GAPVD1: variants seen among roughly 807,000 people sequenced by gnomAD.
GAPVD1 encodes the protein GTPase activating protein and VPS9 domains 1, also known as GTPase-activating protein and VPS9 domain-containing protein 1.
Under a neutral mutation model 155.5 loss-of-function variants are expected in GAPVD1, and 35 were observed. The observed-to-expected ratio is 0.23, with a 90% CI of 0.17 to 0.30. The LOEUF is 0.30. GAPVD1 is among the 10% of genes least tolerant of loss of function. GAPVD1 has a pLI of 1.00. For synonymous variants in GAPVD1, 636 were observed against 619.7 expected, an observed-to-expected ratio of 1.03 and a Z score of -0.39; for missense variants, 1,429 against 1,775.7, an observed-to-expected ratio of 0.80 and a Z score of 3.51.
chr9:125,362,800 T>C lies in GAPVD1; in HGVS notation c.*54T>C. 1 of 1,548,356 alleles carries C rather than the reference T, an allele frequency of 6.5e-7. No individual in the cohort carries two copies. The highest frequency in any genetic ancestry group is 8.8e-7 in the Non-Finnish European group (1 of 1,131,062). On this transcript the variant is annotated 3_prime_UTR_variant, in exon 28 of 28. Coordinates refer to ENST00000297933, the MANE Select transcript of GAPVD1 (RefSeq NM_001282680.3). The stretch of plus-strand genomic sequence containing the variant: ...ACTGTTAATCAGACAAACAGATCTC[T>C]GAGAAGGTGCATCAGCTGCTTTGAA...
At chr9:125,265,837 G>A (rs1222432421) in intron 1 of GAPVD1, among the ~76,000 whole-genome samples, 2 of 147,680 alleles carry the variant, frequency 1.4e-5, no homozygotes, top group Non-Finnish European at 3.0e-5. Context: ...GAGTTTGAGG[G>A]CCACTTGAGT....
chr9:125,309,979 A>G (rs888791546), intron 8 of GAPVD1: 1 of 467,880 alleles, frequency 2.1e-6, no homozygotes, highest in Admixed American at 2.4e-5. Context: ...TACCAATATT[A>G]CCTCTCATAT....
At chr9:125,286,121 T>C (rs2132319447) in intron 2 of GAPVD1, among the ~76,000 whole-genome samples, 2 of 151,206 alleles carry the variant, frequency 1.3e-5, no homozygotes, top group Middle Eastern at 6.8e-3. Context: ...TATATATTAA[T>C]ATACGTGTTT....
intron 23 of GAPVD1, among the ~76,000 whole-genome samples, chr9:125,351,215 G>A (rs763649395): frequency 5.3e-5 from 8 of 152,150 alleles, no homozygotes; most frequent in Non-Finnish European, 1.0e-4. Context: ...GATCTTGTGA[G>A]ACTTATTCAC....
At chr9:125,316,073 A>G (rs1388251222) in intron 9 of GAPVD1, among the ~76,000 whole-genome samples, 1 of 152,214 alleles carries the variant, frequency 6.6e-6, no homozygotes, top group African/African-American at 2.4e-5. Flanking sequence ...TTCAGAGGCC[A>G]CACATGACAG....
chr9:125,293,871 TATATATATATATA>T (rs1180925424), intron 2 of GAPVD1, among the ~76,000 whole-genome samples: 53,928 of 90,162 alleles, frequency 0.6, 15,309 homozygotes, highest in African/African-American at 0.68. Flanking sequence ...TATATATATA[TATATATATATATA>T]TATATATATA....
chr9:125,263,528 GTTTT>G, intron 1 of GAPVD1: 8 of 697,882 alleles, frequency 1.1e-5, no homozygotes, highest in Non-Finnish European at 1.9e-5. Flanking sequence ...AAGAACTGTT[GTTTT>G]TTTTTTTTTG....
At chr9:125,307,360 C>T (rs540792291) in intron 6 of GAPVD1, 53 bp from the exon 7 acceptor site, 185 of 1,296,488 alleles carry the variant, frequency 1.4e-4, no homozygotes, top group African/African-American at 2.9e-4. Context: ...TGAGAAATTT[C>T]GTTCCAGTAT....
intron 5 of GAPVD1, among the ~76,000 whole-genome samples, chr9:125,303,085 C>T (rs368423398): frequency 2.0e-4 from 30 of 152,132 alleles, no homozygotes; most frequent in South Asian, 1.7e-3. Flanking sequence ...AGTGCAGTGG[C>T]GCAATCTCAG....
chr9:125,290,873 G>A (rs1371449727), intron 2 of GAPVD1, among the ~76,000 whole-genome samples: 3 of 151,596 alleles, frequency 2.0e-5, no homozygotes, highest in African/African-American at 4.9e-5. Flanking sequence ...GCATGCCTGT[G>A]GTCCCAGCCT....
intron 17 of GAPVD1, among the ~76,000 whole-genome samples, chr9:125,340,230 G>T (rs778169666): frequency 1.1e-4 from 17 of 152,206 alleles, no homozygotes; most frequent in Non-Finnish European, 1.8e-4. Flanking sequence ...CTTGTTGGCC[G>T]GGCTGTTCTT....
In GAPVD1 at chr9:125,355,735, A is replaced by T. The variant is rs201952546; in HGVS notation, c.3849A>T (p.Ile1283=). The change falls in exon 25 of 28, where the codon ATA becomes ATT. Residue 1283 remains isoleucine (I), a synonymous_variant. Transcript: ENST00000297933. ...FLYGAMAQDV[I]WQNASEEQLQ... ...ATGGTGCAATGGCCCAGGATGTCAT[A>T]TGGCAAAACGCGAGTGAAGAACAGC... 5 of 1,613,306 alleles carry T rather than the reference A, an allele frequency of 3.1e-6. No individual in the cohort carries two copies. The African/African-American group carries it at 4.0e-5, about 13-fold the overall frequency.
At chr9:125,313,465 G>T (rs544746387) in intron 9 of GAPVD1, among the ~76,000 whole-genome samples, 3 of 151,916 alleles carry the variant, frequency 2.0e-5, no homozygotes, top group Non-Finnish European at 4.4e-5. Flanking sequence ...CACCACGCTC[G>T]GCTAATTTTT....
At chr9:125,273,019 G>A (rs1181260021) in intron 2 of GAPVD1, among the ~76,000 whole-genome samples, 1 of 152,106 alleles carries the variant, frequency 6.6e-6, no homozygotes, top group African/African-American at 2.4e-5. Flanking sequence ...AAAGCATGGG[G>A]GTTGTGAAAA....
At chr9:125,308,112 AGT>A in intron 8 of GAPVD1, 1 of 570,198 alleles carries the variant, frequency 1.8e-6, no homozygotes, top group Non-Finnish European at 3.1e-6. Context: ...TGCTATCCAC[AGT>A]ATACTTTCTT....
chr9:125,330,014 TC>T, intron 12 of GAPVD1, 63 bp from the exon 13 acceptor site: 1 of 1,389,928 alleles, frequency 7.2e-7, no homozygotes, highest in South Asian at 1.4e-5. Flanking sequence ...TTGGCTTTTC[TC>T]CACTATCACT....
intron 13 of GAPVD1, among the ~76,000 whole-genome samples, chr9:125,330,804 G>T (rs1269946084): frequency 3.3e-5 from 5 of 152,188 alleles, no homozygotes; most frequent in Non-Finnish European, 7.4e-5. Flanking sequence ...CAGAGTCCGT[G>T]TGAATCATTG....
intron 12 of GAPVD1, among the ~76,000 whole-genome samples, chr9:125,327,790 C>A (rs1449295925): frequency 6.6e-6 from 1 of 152,150 alleles, no homozygotes; most frequent in South Asian, 2.1e-4. Context: ...AGTCATGAGC[C>A]ATTGCTCCCG....
rs1841045781 is a variant in GAPVD1, at chr9:125,302,406, A to G, written c.609A>G (p.Pro203=). The change falls in exon 5 of 28, where the codon CCA becomes CCG. Residue 203 remains proline, a synonymous_variant. Coordinates refer to ENST00000297933, the MANE Select transcript of GAPVD1 (RefSeq NM_001282680.3). ...KLFLTATLHE[P]IMQLLVEDED... ...TCCTCACAGCCACTTTACATGAGCC[A>G]ATTATGCAACTGCTTGTTGAAGATG... The G allele has an allele frequency of 6.2e-7, 1 of 1,613,876 alleles. No individual in the cohort carries two copies. Among genetic ancestry groups the G allele is most frequent in the African/African-American group, 1.3e-5 (1 of 74,902 alleles).
Sources: allele counts gnomAD v4.1 joint callset (sites outside exome capture counted in the v4.1 genomes callset), GRCh38; gene constraint gnomAD v4.1.1; transcripts MANE v1.5; gene names NCBI Gene and HGNC (gene_info 2026-07-23, HGNC 2026-07-21).